The following IP6K3 variants were observed in gnomAD, a reference collection of about 807,000 sequenced individuals.
IP6K3 encodes the protein ATP:1D-myo-inositol-hexakisphosphate phosphotransferase.
A neutral mutation model predicts 28.8 loss-of-function variants in IP6K3; 20 were observed. The observed-to-expected ratio is 0.70, with a 90% CI of 0.49 to 1.01. The LOEUF is 1.01. Ranked by LOEUF, IP6K3 falls within the 50% of genes least tolerant of loss-of-function variation. The pLI is 0.00. For synonymous variants in IP6K3, 213 were observed against 221.3 expected (o/e 0.96, Z 0.33); for missense variants, 480 against 537.1 (o/e 0.89, Z 1.05).
intron 1 of IP6K3, among the ~76,000 whole-genome samples, chr6:33,736,457 T>C (rs1360595798): frequency 5.9e-5 from 9 of 152,182 alleles, no homozygotes; most frequent in Admixed American, 5.9e-4. Flanking sequence ...CAGGCTGGAG[T>C]GCAGTGGTGT....
chr6:33,727,052 C>A, intron 3 of IP6K3, 146 bp from the exon 4 acceptor site: 1 of 754,476 alleles, frequency 1.3e-6, no homozygotes. Flanking sequence ...CTGGGGCACC[C>A]TCCCTGCCCA....
At position 33,746,625 on chromosome 6, in the gene IP6K3, C is replaced by T. The variant is rs1024169707; in HGVS notation, c.-180+133G>A. ...GCTGGCACCTCCGTGGGGCAGACTC[C>T]TGGCCAGCCTGGAATGGAGACAAGA... is the stretch of plus-strand genomic sequence containing the variant. On this transcript the variant is annotated intron_variant, in intron 1 of 5. Coordinates refer to ENST00000293756, the MANE Select transcript of IP6K3 (RefSeq NM_054111.5). The surrounding 1 kb of genome is among the most constrained non-coding windows in gnomAD (Gnocchi z 6.5). 1 of 152,374 alleles carries T rather than the reference C, an allele frequency of 6.6e-6. No individual in the cohort carries two copies. Among genetic ancestry groups the T allele is most frequent in the Non-Finnish European group, 1.5e-5 (1 of 68,170 alleles). The allele number at this position is 152,374 out of a possible 1,614,324, so 9.4% of individuals were successfully genotyped here. A position where few individuals can be genotyped will look rare whatever the true frequency, so the allele number is the denominator to read the frequency against.
intron 5 of IP6K3, among the ~76,000 whole-genome samples, chr6:33,724,546 C>T (rs1766025602): frequency 6.6e-6 from 1 of 152,176 alleles, no homozygotes; most frequent in Non-Finnish European, 1.5e-5. Flanking sequence ...GGCGTGGAGT[C>T]TGAGTTATAG....
the IP6K3 span, among the ~76,000 whole-genome samples, chr6:33,754,754 G>T: frequency 6.6e-6 from 1 of 152,330 alleles, no homozygotes; most frequent in South Asian, 2.1e-4. Flanking sequence ...AGACCCAGGA[G>T]GGCAGGGGAT....
the IP6K3 span, among the ~76,000 whole-genome samples, chr6:33,759,301 G>C: frequency 3.2e-4 from 48 of 152,196 alleles, 1 homozygote; most frequent in South Asian, 5.4e-3. Context: ...TTTTGAGACA[G>C]AGTCTCGCTC....
intron 1 of IP6K3, among the ~76,000 whole-genome samples, chr6:33,741,834 C>T (rs1561910316): frequency 6.6e-6 from 1 of 151,698 alleles, no homozygotes; most frequent in African/African-American, 2.4e-5. Context: ...GCCTGTAATC[C>T]CAGCTACTCG....
At chr6:33,730,220 A>C (rs544680906) in intron 2 of IP6K3, among the ~76,000 whole-genome samples, 3 of 151,982 alleles carry the variant, frequency 2.0e-5, no homozygotes, top group African/African-American at 7.3e-5. Flanking sequence ...CTCGGCTTGC[A>C]TGCCTGCCGG....
At chr6:33,761,201 C>T in the IP6K3 span, among the ~76,000 whole-genome samples, 7 of 152,082 alleles carry the variant, frequency 4.6e-5, no homozygotes, top group Non-Finnish European at 8.8e-5. Context: ...TCTCCCCTTT[C>T]GACAGAGCAT....
intron 1 of IP6K3, among the ~76,000 whole-genome samples, chr6:33,745,603 T>C (rs759412106): frequency 6.6e-6 from 1 of 152,040 alleles, no homozygotes; most frequent in Non-Finnish European, 1.5e-5. Context: ...TCTTTCTAAT[T>C]GAAAGAGATT....
Position 33,742,816 on chromosome 6 carries a change from G to A in IP6K3, c.-180+3942C>T, listed in dbSNP as rs1330690152. ...AAATGGGTCCTGGAGAAGAGGTTAG[G>A]AGAGGTACTGCTCCTGGCTGAGATC... On this transcript the variant is annotated intron_variant, in intron 1 of 5. Coordinates refer to ENST00000293756, the MANE Select transcript of IP6K3 (RefSeq NM_054111.5). The surrounding 1 kb of genome is among the most constrained non-coding windows in gnomAD (Gnocchi z 4.5). 1.3e-5 allele frequency among the ~76,000 whole-genome samples: 2 copies of A among 152,104 alleles called. No homozygotes were observed. The highest frequency in any genetic ancestry group is 6.5e-5 in the Admixed American group (1 of 15,274).
chr6:33,728,377 G>C, intron 2 of IP6K3, 77 bp from the exon 3 acceptor site: 1 of 1,382,410 alleles, frequency 7.2e-7, no homozygotes. Context: ...GTGATGACGA[G>C]TTGGGAATTT....
rs532548525 is a variant in IP6K3, at chr6:33,744,156, C to G, written c.-180+2602G>C. Among the ~76,000 whole-genome samples, 183 of 152,314 alleles carry G rather than the reference C, an allele frequency of 1.2e-3. 1 individual carries two copies. The highest frequency in any genetic ancestry group is 4.2e-3 in the African/African-American group (176 of 41,568). ...GACCCCTGGACACGCAGCTCCTCAGCCATGGTTAGCAACTGCTTTGACAGC... is the reference window on the plus strand; with the variant it reads ...GACCCCTGGACACGCAGCTCCTCAGGCATGGTTAGCAACTGCTTTGACAGC... On this transcript the variant is annotated intron_variant, in intron 1 of 5. Coordinates refer to ENST00000293756, the MANE Select transcript of IP6K3 (RefSeq NM_054111.5). This position sits in a 1 kb window ranked among gnomAD's most constrained non-coding sequence, Gnocchi z 4.4.
At chr6:33,740,723 C>A (rs1362705618) in intron 1 of IP6K3, among the ~76,000 whole-genome samples, 1 of 152,232 alleles carries the variant, frequency 6.6e-6, no homozygotes, top group African/African-American at 2.4e-5. Context: ...ATTTTTATTT[C>A]CGGAGAGTCT....
At chr6:33,748,710 A>G (rs538135727), upstream of IP6K3, among the ~76,000 whole-genome samples, 1 of 145,772 alleles carries the variant, frequency 6.9e-6, no homozygotes, top group East Asian at 2.0e-4. Flanking sequence ...GGGGCTACCT[A>G]CCTGCCCAGC....
At chr6:33,745,219 G>C (rs1582231040) in intron 1 of IP6K3, among the ~76,000 whole-genome samples, 1 of 152,234 alleles carries the variant, frequency 6.6e-6, no homozygotes, top group South Asian at 2.1e-4. Context: ...GCAACCATCC[G>C]GGTTTCTGCC....
intron 2 of IP6K3, 105 bp downstream of exon 2, chr6:33,735,173 A>G: frequency 1.1e-6 from 1 of 929,008 alleles, no homozygotes; most frequent in Non-Finnish European, 1.6e-6. Flanking sequence ...TCTCTGTGGC[A>G]ACCCTTACAC....
At chr6:33,750,687 A>G (rs940174222), upstream of IP6K3, among the ~76,000 whole-genome samples, 1 of 152,198 alleles carries the variant, frequency 6.6e-6, no homozygotes, top group Non-Finnish European at 1.5e-5. The surrounding 1 kb of genome is among the most constrained non-coding windows in gnomAD (Gnocchi z 4.3). Flanking sequence ...ATGAGTGGAT[A>G]AACACGTGGA....
rs1244370040 is a variant in IP6K3 at position 33,722,839 on chromosome 6, G to A, written c.1114C>T (p.His372Tyr). Residue 372 changes from histidine (H) to tyrosine (Y), a missense_variant, in exon 6 of 6, where the codon CAT becomes TAT. His to Tyr is a moderately conservative substitution (Grantham distance 83). Transcript: ENST00000293756. Reference sequence around the variant, plus strand: ...TTCCAGTAGCCCTTGTATGTGGTATGAGCAAAGTCAATCATGCGGATGTCA... The same window carrying A: ...TTCCAGTAGCCCTTGTATGTGGTATAAGCAAAGTCAATCATGCGGATGTCA... ...KVDIRMIDFA[H>Y]TTYKGYWNEH... 3 of 1,613,332 alleles carry A rather than the reference G, an allele frequency of 1.9e-6. No homozygotes were observed. The highest frequency in any genetic ancestry group is 1.1e-5 in the South Asian group (1 of 91,066).
upstream of IP6K3, among the ~76,000 whole-genome samples, chr6:33,748,642 C>CAAAAAA (rs35735336): frequency 7.0e-3 from 270 of 38,348 alleles, 16 homozygotes; most frequent in African/African-American, 0.025. Flanking sequence ...ACCCTGTCTC[C>CAAAAAA]AAAAAAAAAA....
Sources: allele counts gnomAD v4.1 joint callset (sites outside exome capture counted in the v4.1 genomes callset), GRCh38; gene constraint gnomAD v4.1.1; non-coding constraint Gnocchi (gnomAD v3.1); transcripts MANE v1.5; gene names NCBI Gene and HGNC (gene_info 2026-07-23, HGNC 2026-07-21).